The following PIP5K1B variants were observed in gnomAD, a reference collection of about 807,000 sequenced individuals.
The protein encoded by PIP5K1B is phosphatidylinositol-4-phosphate 5-kinase type 1 beta, also known as phosphatidylinositol 4-phosphate 5-kinase type-1 beta.
PIP5K1B carries 42 observed loss-of-function variants against 67.0 expected under a neutral mutation model. The ratio of observed to expected loss-of-function variants is 0.63; its 90% CI spans 0.49 to 0.81. The LOEUF (loss-of-function observed/expected upper bound fraction) is 0.81. PIP5K1B is among the 30% of genes least tolerant of loss of function. The pLI, the probability that PIP5K1B is intolerant of heterozygous loss-of-function variation, is 0.00. For synonymous variants in PIP5K1B, 214 were observed against 231.4 expected (o/e 0.92, Z 0.68); for missense variants, 459 against 646.3 (o/e 0.71, Z 3.14).
chr9:68,954,878 T>A (rs1305623043), intron 14 of PIP5K1B, among the ~76,000 whole-genome samples: 1 of 152,224 alleles, frequency 6.6e-6, no homozygotes, highest in Non-Finnish European at 1.5e-5. Flanking sequence ...GGTCAAGTGC[T>A]GTCCAAGTAG....
intron 5 of PIP5K1B, among the ~76,000 whole-genome samples, chr9:68,868,095 T>C (rs984754942): frequency 1.3e-4 from 20 of 152,242 alleles, no homozygotes; most frequent in Non-Finnish European, 2.6e-4. Context: ...AAAATCTCTT[T>C]TAACTGTTTG....
chr9:68,794,541 G>C (rs1832180928), intron 2 of PIP5K1B, among the ~76,000 whole-genome samples: 2 of 151,916 alleles, frequency 1.3e-5, no homozygotes, highest in Non-Finnish European at 2.9e-5. Context: ...GGGTTTGTCT[G>C]GTTCATCTTA....
In PIP5K1B at chr9:68,705,357, C is replaced by T. The variant is rs1827068980; in HGVS notation, c.-648C>T. On this transcript the variant is annotated 5_prime_UTR_variant, in exon 1 of 16. Transcript: ENST00000265382. ...TTCCCGGTCCCCGAACGCGCCGCGG[C>T]GAGGCTGCGCCCGGCAGTGGAGCCG... 6.6e-6 allele frequency: 1 copy of T among 151,286 alleles called. No homozygotes were observed. The highest frequency in any genetic ancestry group is 2.4e-5 in the African/African-American group (1 of 41,354). 9.4% of individuals were successfully genotyped at this position (151,286 alleles called of 1,614,324 possible). A position where few individuals can be genotyped will look rare whatever the true frequency, so the allele number is the denominator to read the frequency against.
At chr9:68,735,632 C>T (rs760452012) in intron 1 of PIP5K1B, among the ~76,000 whole-genome samples, 16 of 152,154 alleles carry the variant, frequency 1.1e-4, no homozygotes, top group Non-Finnish European at 2.1e-4. Flanking sequence ...TCAAGTGATC[C>T]GCTTGCCTCA....
chr9:68,908,034 T>C (rs1389032783), intron 8 of PIP5K1B, among the ~76,000 whole-genome samples: 1 of 152,178 alleles, frequency 6.6e-6, no homozygotes, highest in African/African-American at 2.4e-5. Context: ...GGTTCCAGAA[T>C]TTTACCTCAC....
intron 8 of PIP5K1B, among the ~76,000 whole-genome samples, chr9:68,909,521 G>A (rs1825759952): frequency 6.6e-6 from 1 of 152,004 alleles, no homozygotes; most frequent in African/African-American, 2.4e-5. Flanking sequence ...ACTTTTTGTG[G>A]TTTGGATCAG....
At chr9:68,804,290 C>G (rs868443491) in intron 2 of PIP5K1B, among the ~76,000 whole-genome samples, 1 of 152,102 alleles carries the variant, frequency 6.6e-6, no homozygotes, top group Non-Finnish European at 1.5e-5. Context: ...AAGCTCCAGA[C>G]AGGTATGTGT....
At chr9:68,899,200 T>C (rs1005364776) in intron 8 of PIP5K1B, among the ~76,000 whole-genome samples, 11 of 152,176 alleles carry the variant, frequency 7.2e-5, no homozygotes, top group South Asian at 4.1e-4. Context: ...TCCCCTCTTC[T>C]ACACCTGGCC....
At chr9:68,952,802 C>A (rs966661496) in intron 14 of PIP5K1B, among the ~76,000 whole-genome samples, 1 of 150,484 alleles carries the variant, frequency 6.6e-6, no homozygotes, top group Non-Finnish European at 1.5e-5. Flanking sequence ...TGCCTGTCTG[C>A]CTGTCTGCCT....
intron 15 of PIP5K1B, among the ~76,000 whole-genome samples, chr9:68,994,867 C>A (rs1011830820): frequency 6.6e-6 from 1 of 151,846 alleles, no homozygotes; most frequent in Non-Finnish European, 1.5e-5. Context: ...CAGGTTCATT[C>A]TAAATTACAA....
At chr9:69,001,468 A>G (rs1191541759) in intron 15 of PIP5K1B, among the ~76,000 whole-genome samples, 1 of 152,150 alleles carries the variant, frequency 6.6e-6, no homozygotes, top group East Asian at 1.9e-4. Flanking sequence ...GCTATAAACA[A>G]CTACCCAAGA....
chr9:68,875,194 C>T (rs991341500), intron 5 of PIP5K1B, among the ~76,000 whole-genome samples: 1 of 143,694 alleles, frequency 7.0e-6, no homozygotes, highest in Admixed American at 7.3e-5. Context: ...AGTGTGTAGC[C>T]GGGCTGCTGC....
chr9:68,863,698 A>C (rs1178670586), intron 4 of PIP5K1B, 139 bp from the exon 5 acceptor site: 2 of 604,764 alleles, frequency 3.3e-6, no homozygotes, highest in Admixed American at 5.9e-5. Flanking sequence ...GAAGCAACTT[A>C]TCATCTTGCC....
At chr9:68,954,319 T>C (rs1003476110) in intron 14 of PIP5K1B, among the ~76,000 whole-genome samples, 14 of 152,152 alleles carry the variant, frequency 9.2e-5, no homozygotes, top group African/African-American at 2.7e-4. Flanking sequence ...TATTGTAGTG[T>C]AGAGGGTTGA....
intron 5 of PIP5K1B, among the ~76,000 whole-genome samples, chr9:68,866,096 T>C (rs1197947514): frequency 6.6e-6 from 1 of 152,142 alleles, no homozygotes; most frequent in East Asian, 1.9e-4. Flanking sequence ...GACTTTCCCT[T>C]ATTTAGAGGC....
chr9:68,916,318 C>CT (rs1315563028), intron 8 of PIP5K1B, among the ~76,000 whole-genome samples: 1 of 152,166 alleles, frequency 6.6e-6, no homozygotes, highest in Non-Finnish European at 1.5e-5. Context: ...GAACACTGCT[C>CT]TTCCGTCTGA....
intron 6 of PIP5K1B, among the ~76,000 whole-genome samples, chr9:68,877,811 T>A (rs1823977306): frequency 6.6e-6 from 1 of 152,222 alleles, no homozygotes; most frequent in African/African-American, 2.4e-5. Context: ...ATATGACTTC[T>A]GCCTAATGAA....
intron 12 of PIP5K1B, among the ~76,000 whole-genome samples, chr9:68,924,077 T>C (rs1826547633): frequency 6.7e-6 from 1 of 148,222 alleles, no homozygotes; most frequent in Non-Finnish European, 1.5e-5. Context: ...GGCAGTGCTC[T>C]GAGGAAAATT....
chr9:68,920,882 A>G (rs185827436), intron 11 of PIP5K1B, among the ~76,000 whole-genome samples: 11 of 151,998 alleles, frequency 7.2e-5, no homozygotes, highest in African/African-American at 2.7e-4. Flanking sequence ...AACAACATTT[A>G]TTGGCCTAAG....
Sources: allele counts gnomAD v4.1 joint callset (sites outside exome capture counted in the v4.1 genomes callset), GRCh38; gene constraint gnomAD v4.1.1; transcripts MANE v1.5; gene names NCBI Gene and HGNC (gene_info 2026-07-23, HGNC 2026-07-21).